The following PTPRD variants were observed in gnomAD, a reference collection of about 807,000 sequenced individuals.
The protein encoded by PTPRD is receptor-type tyrosine-protein phosphatase delta.
Under a neutral mutation model 214.5 loss-of-function variants are expected in PTPRD, and 34 were observed. The observed-to-expected ratio is 0.16, with a 90% CI of 0.12 to 0.21. PTPRD has a LOEUF of 0.21. Ranked by LOEUF, PTPRD falls within the 10% of genes least tolerant of loss-of-function variation. The pLI, the probability that PTPRD is intolerant of heterozygous loss-of-function variation, is 1.00. For missense variants in PTPRD, 2,545 were observed against 2,398.7 expected (o/e 1.06, Z -1.27); for synonymous variants, 1,128 against 845.7 (o/e 1.33, Z -5.79).
chr9:10,486,258 C>T (rs748093889), intron 2 of PTPRD, among the ~76,000 whole-genome samples: 12 of 152,052 alleles, frequency 7.9e-5, no homozygotes, highest in South Asian at 2.1e-4. Flanking sequence ...TCTTTGCCCA[C>T]GCCTATGTCC....
intron 2 of PTPRD, among the ~76,000 whole-genome samples, chr9:10,343,202 C>T (rs1478570275): frequency 6.6e-6 from 1 of 152,048 alleles, no homozygotes; most frequent in Admixed American, 6.6e-5. Context: ...TATTCACTTC[C>T]CACCTATGAG....
intron 5 of PTPRD, among the ~76,000 whole-genome samples, chr9:9,855,376 C>G (rs1202670382): frequency 6.6e-6 from 1 of 152,096 alleles, no homozygotes; most frequent in African/African-American, 2.4e-5. Flanking sequence ...GGAGGAGCTC[C>G]TTCTAAAATA....
At chr9:9,356,224 T>G (rs1569567668) in intron 9 of PTPRD, among the ~76,000 whole-genome samples, 1 of 151,390 alleles carries the variant, frequency 6.6e-6, no homozygotes, top group Non-Finnish European at 1.5e-5. Flanking sequence ...ATTTTGTGTA[T>G]GTTTTTTTAA....
intron 12 of PTPRD, among the ~76,000 whole-genome samples, chr9:8,728,553 T>C (rs2098613942): frequency 6.6e-6 from 1 of 152,234 alleles, no homozygotes; most frequent in Non-Finnish European, 1.5e-5. Context: ...CTCTGCCTAC[T>C]GAAATGTATG....
intron 7 of PTPRD, among the ~76,000 whole-genome samples, chr9:9,721,469 G>C (rs1489299762): frequency 3.3e-5 from 5 of 151,976 alleles, no homozygotes; most frequent in Non-Finnish European, 5.9e-5. Flanking sequence ...CTATTCTATA[G>C]GGGGCACAGG....
At chr9:8,978,068 A>T (rs934620630) in intron 11 of PTPRD, among the ~76,000 whole-genome samples, 1 of 152,094 alleles carries the variant, frequency 6.6e-6, no homozygotes, top group Admixed American at 6.6e-5. Context: ...ATTCTAGGAG[A>T]TGAGACAAGT....
rs79040464 is a variant in PTPRD at position 9,781,151 on chromosome 9, C to T, written c.-367-14300G>A. ...TCAAAACCCATAGAATGTACAAGAA[C>T]AACAGTGAGCCCAGATGTAAGCTAT... On this transcript the variant is annotated intron_variant, in intron 5 of 45. Coordinates refer to ENST00000381196, the MANE Select transcript of PTPRD (RefSeq NM_002839.4). Among the ~76,000 whole-genome samples the T allele has an allele frequency of 0.031, 4,705 of 152,068 alleles. 495 individuals are homozygous for T. The East Asian group carries it at 0.37, about 12-fold the overall frequency.
At chr9:8,736,505 C>T (rs2090436486) in intron 11 of PTPRD, among the ~76,000 whole-genome samples, 1 of 152,148 alleles carries the variant, frequency 6.6e-6, no homozygotes, top group Non-Finnish European at 1.5e-5. Context: ...ACCTAATCCA[C>T]TAAAATAACT....
At chr9:8,440,468 C>T (rs891926804) in intron 34 of PTPRD, among the ~76,000 whole-genome samples, 28 of 152,048 alleles carry the variant, frequency 1.8e-4, no homozygotes, top group Admixed American at 2.6e-4. Context: ...GGACGCGCCA[C>T]CACACCCGGC....
intron 3 of PTPRD, among the ~76,000 whole-genome samples, chr9:10,257,082 A>C (rs1043917269): frequency 6.6e-6 from 1 of 152,002 alleles, no homozygotes; most frequent in South Asian, 2.1e-4. Flanking sequence ...ACAGACAAAA[A>C]ATGTTAATTT....
At chr9:10,439,227 G>A (rs903256247) in intron 2 of PTPRD, among the ~76,000 whole-genome samples, 4 of 129,178 alleles carry the variant, frequency 3.1e-5, no homozygotes, top group Admixed American at 1.6e-4. Context: ...TCACTCACGC[G>A]TTTGAGAGTA....
intron 11 of PTPRD, among the ~76,000 whole-genome samples, chr9:8,901,159 G>A (rs1427107541): frequency 6.6e-6 from 1 of 152,098 alleles, no homozygotes; most frequent in African/African-American, 2.4e-5. Flanking sequence ...GAGCTTCATG[G>A]GTTCATTGGA....
intron 10 of PTPRD, among the ~76,000 whole-genome samples, chr9:9,078,598 T>C (rs1311785077): frequency 6.6e-6 from 1 of 152,052 alleles, no homozygotes; most frequent in Non-Finnish European, 1.5e-5. Flanking sequence ...AAGCCTTAGA[T>C]TGTGTTCTCC....
intron 25 of PTPRD, among the ~76,000 whole-genome samples, chr9:8,498,509 C>T (rs1256510389): frequency 1.3e-5 from 2 of 152,184 alleles, no homozygotes; most frequent in Non-Finnish European, 2.9e-5. Context: ...ATCTCTTGAC[C>T]AGGGGATCCG....
At chr9:9,596,479 G>T (rs1472995547) in intron 7 of PTPRD, among the ~76,000 whole-genome samples, 2 of 151,850 alleles carry the variant, frequency 1.3e-5, no homozygotes, top group Non-Finnish European at 2.9e-5. Flanking sequence ...ATTTACAAAG[G>T]TTGTTATTGC....
chr9:8,899,665 A>G (rs2098650179), intron 11 of PTPRD, among the ~76,000 whole-genome samples: 1 of 152,162 alleles, frequency 6.6e-6, no homozygotes, highest in Non-Finnish European at 1.5e-5. Flanking sequence ...TTTAGACTGG[A>G]GTAGTTGCCT....
intron 14 of PTPRD, among the ~76,000 whole-genome samples, chr9:8,563,197 G>A (rs2087168070): frequency 1.3e-5 from 2 of 152,118 alleles, no homozygotes; most frequent in African/African-American, 4.8e-5. Flanking sequence ...TATAGTGACA[G>A]GGTGATGACT....
At chr9:9,016,653 T>A (rs1281103229) in intron 11 of PTPRD, among the ~76,000 whole-genome samples, 1 of 152,128 alleles carries the variant, frequency 6.6e-6, no homozygotes, top group African/African-American at 2.4e-5. Context: ...TCGTTTGACC[T>A]ACCCCCTAAA....
chr9:9,554,221 TG>T (rs543437667), intron 8 of PTPRD, among the ~76,000 whole-genome samples: 257 of 152,198 alleles, frequency 1.7e-3, no homozygotes, highest in Non-Finnish European at 3.0e-3. Context: ...TCTTCAATGT[TG>T]TGCCAATAAG....
Sources: gnomAD v4.1 joint callset for allele counts (sites outside exome capture counted in the v4.1 genomes callset) on GRCh38, gnomAD v4.1.1 for gene constraint, MANE v1.5 for transcripts, NCBI Gene and HGNC (gene_info 2026-07-23, HGNC 2026-07-21) for gene names.